ATR: variants seen among roughly 807,000 people sequenced by gnomAD.
ATR encodes the protein serine/threonine-protein kinase ATR.
Under a neutral mutation model 305.3 loss-of-function variants are expected in ATR, and 142 were observed. The ratio of observed to expected loss-of-function variants is 0.47; its 90% CI spans 0.41 to 0.53. ATR has a LOEUF of 0.53. Among genes scored for constraint, ATR ranks in the 20% least tolerant of loss-of-function variants. The pLI is 0.00. For missense variants in ATR, 2,135 were observed against 3,133.1 expected, an observed-to-expected ratio of 0.68 and a Z score of 7.60; for synonymous variants, 1,050 against 1,068.1, an observed-to-expected ratio of 0.98 and a Z score of 0.33.
chr3:142,534,993 TCAAA>T, intron 21 of ATR, 83 bp downstream of exon 21: 1 of 1,435,376 alleles, frequency 7.0e-7, no homozygotes, highest in Non-Finnish European at 9.5e-7. Flanking sequence ...TCACTAAATC[TCAAA>T]CAAAAATGTC....
At chr3:142,468,274 A>C (rs2071177746) in intron 38 of ATR, among the ~76,000 whole-genome samples, 1 of 152,168 alleles carries the variant, frequency 6.6e-6, no homozygotes, top group Non-Finnish European at 1.5e-5. Context: ...AGTTATAGGG[A>C]TCTGCCCTGG....
Position 142,466,388 on chromosome 3 carries a change from G to A in ATR, c.6833C>T (p.Ala2278Val), listed in dbSNP as rs747809654. Residue 2278 changes from alanine (A) to valine (V), a missense_variant, in exon 40 of 47, where the codon GCT becomes GTT. By Grantham distance (64) the Ala-to-Val change is moderately conservative. Coordinates refer to ENST00000350721, the MANE Select transcript of ATR (RefSeq NM_001184.4). The stretch of plus-strand genomic sequence containing the variant: ...AAATGGTTCATGGCTAGCATGGTTA[G>A]CATGGGTACCCAGAATTGATGGAAG... ...PTLPSILGTH[A>V]NHASHEPFPG... is the part of the protein sequence containing the mutation. 6.2e-7 allele frequency: 1 copy of A among 1,613,956 alleles called. No homozygotes were observed. Among genetic ancestry groups the A allele is most frequent in the Non-Finnish European group, 8.5e-7 (1 of 1,179,902 alleles).
At chr3:142,578,023 G>A (rs1042085527) in intron 1 of ATR, among the ~76,000 whole-genome samples, 2 of 152,124 alleles carry the variant, frequency 1.3e-5, no homozygotes, top group Non-Finnish European at 2.9e-5. Flanking sequence ...GTGGACCCAG[G>A]GGTCTATCTC....
chr3:142,506,215 G>A (rs2032227392), intron 28 of ATR, among the ~76,000 whole-genome samples: 1 of 152,140 alleles, frequency 6.6e-6, no homozygotes, highest in Admixed American at 6.5e-5. Flanking sequence ...GAAACAGAGA[G>A]ATGGGATGTA....
At chr3:142,493,362 A>G (rs772216280) in intron 34 of ATR, 51 bp from the exon 35 acceptor site, 6 of 1,509,310 alleles carry the variant, frequency 4.0e-6, no homozygotes, top group African/African-American at 1.4e-5. Flanking sequence ...ACATACTTCT[A>G]TTTTCTGCAA....
chr3:142,521,046 G>A (rs1239032330), intron 23 of ATR, among the ~76,000 whole-genome samples: 1 of 152,178 alleles, frequency 6.6e-6, no homozygotes, highest in African/African-American at 2.4e-5. Context: ...ACATCCTAGG[G>A]CTGTTAGGAA....
At chr3:142,464,877 T>C (rs1282928690) in intron 41 of ATR, among the ~76,000 whole-genome samples, 1 of 152,198 alleles carries the variant, frequency 6.6e-6, no homozygotes, top group Non-Finnish European at 1.5e-5. Flanking sequence ...GTTTTATGTA[T>C]GTACATTTTA....
Position 142,550,117 on chromosome 3 carries a change from T to C in ATR, c.2976+15A>G, listed in dbSNP as rs778814223. 10 of 1,613,692 alleles carry C rather than the reference T, an allele frequency of 6.2e-6. No homozygotes were observed. The highest frequency in any genetic ancestry group is 4.5e-5 in the East Asian group (2 of 44,872). On this transcript the variant is annotated intron_variant, in intron 14 of 46. Coordinates refer to ENST00000350721, the MANE Select transcript of ATR (RefSeq NM_001184.4). ...TGAATTGCAAACCTCAAGTGAACTA[T>C]ATGTTGCAACTTACAGTAAGAAAAC... is the stretch of plus-strand genomic sequence containing the variant.
chr3:142,568,345 G>C (rs1455369648), intron 1 of ATR, among the ~76,000 whole-genome samples, 191 bp from the exon 2 acceptor site: 1 of 152,214 alleles, frequency 6.6e-6, no homozygotes, highest in Admixed American at 6.5e-5. Flanking sequence ...AATATGCTAA[G>C]TAATACTAAA....
At chr3:142,525,178 T>C (rs1451306807) in intron 21 of ATR, among the ~76,000 whole-genome samples, 1 of 152,126 alleles carries the variant, frequency 6.6e-6, no homozygotes, top group African/African-American at 2.4e-5. Context: ...ATAAGAAGTG[T>C]CACTTTTTAT....
intron 34 of ATR, 36 bp downstream of exon 34, chr3:142,496,325 T>TACAC (rs779839333): frequency 8.4e-6 from 3 of 355,238 alleles, no homozygotes; most frequent in African/African-American, 6.0e-5. Context: ...TATATATATA[T>TACAC]ATATATATAT....
At chr3:142,522,266 A>G (rs1056679944) in intron 23 of ATR, among the ~76,000 whole-genome samples, 4 of 152,226 alleles carry the variant, frequency 2.6e-5, no homozygotes, top group African/African-American at 9.6e-5. Flanking sequence ...AGACTATAGT[A>G]TAGTGTAAAC....
chr3:142,493,272 C>T lies in ATR; in HGVS notation c.5938G>A (p.Val1980Ile). The T allele has an allele frequency of 3.1e-6, 5 of 1,613,900 alleles. No individual in the cohort carries two copies. The highest frequency in any genetic ancestry group is 3.4e-6 in the Non-Finnish European group (4 of 1,179,920). Residue 1980 changes from valine to isoleucine, a missense_variant, in exon 35 of 47, where the codon GTT becomes ATT. This residue lies in a region of ATR where 462 missense variants were observed against 887.6 expected (regional missense o/e 0.52). Coordinates refer to ENST00000350721, the MANE Select transcript of ATR (RefSeq NM_001184.4). ...TCATTTTCAGGAAAACATAATTCAACACCTTTTTGAAGAACAATTAGTGCC... is the reference window on the plus strand; with the variant it reads ...TCATTTTCAGGAAAACATAATTCAATACCTTTTTGAAGAACAATTAGTGCC... The part of the protein sequence containing the change: ...HQALIVLQKG[V>I]ELCFPENETP...
intron 45 of ATR, among the ~76,000 whole-genome samples, chr3:142,457,317 G>A (rs2108256903): frequency 6.6e-6 from 1 of 152,226 alleles, no homozygotes; most frequent in Middle Eastern, 3.4e-3. Flanking sequence ...AAGGGATCAG[G>A]AGTGACTGCT....
chr3:142,455,791 A>G (rs1008613323), intron 45 of ATR, among the ~76,000 whole-genome samples: 7 of 152,260 alleles, frequency 4.6e-5, no homozygotes, highest in Non-Finnish European at 1.0e-4. Context: ...TGCTTAGAAG[A>G]ACACATAGGT....
At chr3:142,548,035 G>T (rs563122569) in intron 15 of ATR, 125 bp from the exon 16 acceptor site, 1 of 837,620 alleles carries the variant, frequency 1.2e-6, no homozygotes, top group Non-Finnish European at 1.9e-6. Context: ...ATTTATTAAA[G>T]GTATTAAGAA....
intron 21 of ATR, among the ~76,000 whole-genome samples, chr3:142,529,658 G>A (rs766654060): frequency 3.3e-5 from 5 of 152,080 alleles, no homozygotes; most frequent in Non-Finnish European, 5.9e-5. Context: ...TTAAAACCGT[G>A]TTCTCATACA....
chr3:142,557,001 A>G (rs747628862), intron 8 of ATR, among the ~76,000 whole-genome samples: 4 of 152,188 alleles, frequency 2.6e-5, no homozygotes, highest in Non-Finnish European at 5.9e-5. Flanking sequence ...ATAGAGGTGA[A>G]GATGTGCAAA....
At chr3:142,548,539 G>GACAC (rs2034353669) in intron 15 of ATR, among the ~76,000 whole-genome samples, 3 of 151,978 alleles carry the variant, frequency 2.0e-5, no homozygotes. Context: ...CCTGGTGGCA[G>GACAC]ACACCTGTAA....
Sources: gnomAD v4.1 joint callset for allele counts (sites outside exome capture counted in the v4.1 genomes callset) on GRCh38, gnomAD v4.1.1 for gene constraint, gnomAD v4.1.1 regional missense constraint, MANE v1.5 for transcripts, NCBI Gene and HGNC (gene_info 2026-07-23, HGNC 2026-07-21) for gene names.